Variants in DYSF observed in about 807,000 individuals in gnomAD.
DYSF encodes dystrophy-associated fer-1-like 1.
DYSF carries 212 observed loss-of-function variants against 274.9 expected under a neutral mutation model. The observed-to-expected ratio is 0.77, with a 90% CI of 0.69 to 0.86. The LOEUF (loss-of-function observed/expected upper bound fraction) is 0.86. Among genes scored for constraint, DYSF ranks in the 40% least tolerant of loss-of-function variants. DYSF has a pLI of 0.00. For missense variants in DYSF, 2,666 were observed against 2,783.2 expected (o/e 0.96, Z 0.95); for synonymous variants, 1,091 against 1,078.7 (o/e 1.01, Z -0.22).
intron 32 of DYSF, among the ~76,000 whole-genome samples, chr2:71,596,844 C>G (rs912239923): frequency 4.6e-5 from 7 of 152,348 alleles, no homozygotes; most frequent in African/African-American, 1.7e-4. Flanking sequence ...CCCAGCATTG[C>G]TCAGCCAGTG....
intron 32 of DYSF, among the ~76,000 whole-genome samples, chr2:71,592,755 CG>C (rs1468219540): frequency 6.6e-6 from 1 of 152,180 alleles, no homozygotes; most frequent in African/African-American, 2.4e-5. Context: ...GGCCTTTCCC[CG>C]GGGGCTCCTA....
intron 47 of DYSF, 48 bp downstream of exon 47, chr2:71,665,352 C>G: frequency 6.2e-7 from 1 of 1,612,478 alleles, no homozygotes; most frequent in Non-Finnish European, 8.5e-7. Context: ...CGCTGTATCC[C>G]TCCCTCTCTC....
At chr2:71,570,518 C>G in intron 28 of DYSF, 81 bp from the exon 29 acceptor site, 1 of 1,578,598 alleles carries the variant, frequency 6.3e-7, no homozygotes, top group Non-Finnish European at 8.6e-7. Flanking sequence ...GAGTCTGTGA[C>G]CATGCCCCAA....
intron 17 of DYSF, among the ~76,000 whole-genome samples, chr2:71,544,092 T>C (rs189952172): frequency 1.3e-5 from 2 of 152,338 alleles, no homozygotes; most frequent in African/African-American, 4.8e-5. Flanking sequence ...AAAAACTACA[T>C]CTTCTTGTAC....
At position 71,577,527 on chromosome 2, in the gene DYSF, C is replaced by CT. The variant is rs199609124; in HGVS notation, c.3402+3156_3402+3157insT. Among the ~76,000 whole-genome samples, 13 of 111,598 alleles carry CT rather than the reference C, an allele frequency of 1.2e-4. No individual in the cohort carries two copies. In the East Asian group the frequency reaches 1.8e-3, roughly 16 times the overall value. The allele number at this position is 111,598 out of a possible 152,430, so 73.2% of individuals were successfully genotyped here. On this transcript the variant is annotated intron_variant, in intron 30 of 55. Transcript: ENST00000410020. ...CACAGCCCCACTCTCATGCAGCCCC[C>CT]CCACTCTCACACTAACACGTACACA... is the stretch of plus-strand genomic sequence containing the variant.
At chr2:71,667,260 G>T in intron 47 of DYSF, 116 bp from the exon 48 acceptor site, 2 of 1,466,018 alleles carry the variant, frequency 1.4e-6, no homozygotes, top group African/African-American at 1.4e-5. Context: ...GTGAGGCTGC[G>T]GGGGTTAGAG....
At chr2:71,596,446 T>C (rs2093411985) in intron 32 of DYSF, among the ~76,000 whole-genome samples, 2 of 152,186 alleles carry the variant, frequency 1.3e-5, no homozygotes, top group Admixed American at 6.5e-5. Flanking sequence ...CTCTCTAATA[T>C]GGTTTTATTT....
At chr2:71,514,026 A>T (rs772529049) in intron 7 of DYSF, 105 bp downstream of exon 7, 9 of 1,336,504 alleles carry the variant, frequency 6.7e-6, no homozygotes, top group Non-Finnish European at 8.5e-6. Context: ...TGTGTGTGGG[A>T]TCCTCAGGGC....
At chr2:71,494,784 A>T (rs555111582) in intron 3 of DYSF, among the ~76,000 whole-genome samples, 1 of 152,322 alleles carries the variant, frequency 6.6e-6, no homozygotes, top group African/African-American at 2.4e-5. Context: ...TCCTTGATAG[A>T]CAGTGTTGGA....
chr2:71,602,636 T>C, intron 35 of DYSF, 140 bp from the exon 36 acceptor site: 2 of 817,412 alleles, frequency 2.4e-6, no homozygotes, highest in Non-Finnish European at 4.0e-6. Flanking sequence ...GTGGTTTCTG[T>C]TGGCTCCTCT....
chr2:71,683,491 G>A (rs531398959), intron 55 of DYSF, among the ~76,000 whole-genome samples: 128 of 152,338 alleles, frequency 8.4e-4, no homozygotes, highest in Non-Finnish European at 1.5e-3. Flanking sequence ...GCTGACACCT[G>A]ATTTCTAATG....
intron 42 of DYSF, among the ~76,000 whole-genome samples, chr2:71,649,337 T>C (rs569139980): frequency 5.9e-5 from 9 of 152,166 alleles, no homozygotes; most frequent in Admixed American, 5.2e-4. Flanking sequence ...GATTGACATA[T>C]GATAAAATAA....
chr2:71,602,804 AG>A lies in DYSF; in HGVS notation c.3957+1del, dbSNP rs771210706. 6.2e-7 allele frequency: 1 copy of A among 1,613,214 alleles called. No homozygotes were observed. The highest frequency in any genetic ancestry group is 8.5e-7 in the Non-Finnish European group (1 of 1,179,890). On this transcript the variant is annotated frameshift_variant and splice_region_variant, in exon 36 of 56. Transcript: ENST00000410020. LOFTEE classifies it high-confidence loss of function. ...CAGGAGACATCAAGGATCCTGGATG[AG>A]GTGAGCTGGGCGTGGTGGTTGGGAT... ...EVQETSRILD[E>X]SEDTDLPYPP...
Position 71,559,435 on chromosome 2 carries a change from C to T in DYSF, c.2217-2317C>T, listed in dbSNP as rs578061085. Among the ~76,000 whole-genome samples the T allele has an allele frequency of 9.2e-5, 14 of 152,258 alleles. No homozygotes were observed. The East Asian group carries it at 2.3e-3, about 25-fold the overall frequency. On this transcript the variant is annotated intron_variant, in intron 22 of 55. Transcript: ENST00000410020. ...CCTCCTTTAGTATCCCCATCGTCTT[C>T]AAGCTGTGTCATGCCTGCCTCCATG...
intron 48 of DYSF, among the ~76,000 whole-genome samples, chr2:71,668,250 GAA>G (rs2095053431): frequency 6.6e-6 from 1 of 152,210 alleles, no homozygotes; most frequent in Non-Finnish European, 1.5e-5. Context: ...AACAGGTGTG[GAA>G]ACTTCAGCTC....
At chr2:71,558,613 G>A (rs1288551809) in intron 22 of DYSF, among the ~76,000 whole-genome samples, 1 of 152,234 alleles carries the variant, frequency 6.6e-6, no homozygotes, top group African/African-American at 2.4e-5. Flanking sequence ...TCTGAGACCT[G>A]TGGGCCCTGA....
chr2:71,471,443 T>C (rs1466092587), intron 1 of DYSF, among the ~76,000 whole-genome samples: 6 of 152,198 alleles, frequency 3.9e-5, no homozygotes, highest in Non-Finnish European at 8.8e-5. Context: ...CTGAGGATGC[T>C]GCTAGACATT....
chr2:71,544,242 T>C (rs1218335041), intron 17 of DYSF, among the ~76,000 whole-genome samples: 2 of 152,138 alleles, frequency 1.3e-5, no homozygotes, highest in East Asian at 1.9e-4. Context: ...TGTTCAGTGT[T>C]GGTATCTCTC....
chr2:71,513,416 G>T, intron 6 of DYSF, 84 bp downstream of exon 6: 1 of 1,434,440 alleles, frequency 7.0e-7, no homozygotes. Context: ...TGCTGGAGCG[G>T]GGCCAGGTGG....
Sources: gnomAD v4.1 joint callset for allele counts (sites outside exome capture counted in the v4.1 genomes callset) on GRCh38, gnomAD v4.1.1 for gene constraint, MANE v1.5 for transcripts, NCBI Gene and HGNC (gene_info 2026-07-23, HGNC 2026-07-21) for gene names.